The following CEP135 variants were observed in gnomAD, a reference collection of about 807,000 sequenced individuals.
CEP135 encodes the protein centrosomal protein of 135 kDa.
In CEP135, 142 loss-of-function variants were observed where a neutral mutation model predicts 157.3. The observed-to-expected ratio is 0.90, with a 90% CI of 0.79 to 1.04. The LOEUF is 1.04. Among genes scored for constraint, CEP135 ranks in the 50% least tolerant of loss-of-function variants. The pLI is 0.00. For missense variants in CEP135, 1,317 were observed against 1,309.2 expected, an observed-to-expected ratio of 1.01 and a Z score of -0.09; for synonymous variants, 396 against 439.8, an observed-to-expected ratio of 0.90 and a Z score of 1.25.
In CEP135 at chr4:56,005,911, T is replaced by TCTA. The variant is rs548523202; in HGVS notation, c.2281-2413_2281-2411dup. On this transcript the variant is annotated intron_variant, in intron 17 of 25. Coordinates refer to ENST00000257287, the MANE Select transcript of CEP135 (RefSeq NM_025009.5). ...TCTTTTAGTACTTTGAAAATGATAG[T>TCTA]CTACTTCCTCTTGGCCTGTATGGTT... Among the ~76,000 whole-genome samples, 13 of 152,338 alleles carry TCTA rather than the reference T, an allele frequency of 8.5e-5. No homozygotes were observed. The East Asian group carries it at 2.5e-3, about 29-fold the overall frequency.
Position 55,967,666 on chromosome 4 carries a change from A to G in CEP135, c.1045-1397A>G, listed in dbSNP as rs561026686. ...TTATGTAATACTTGGAAAGTGTTCA[A>G]TTTATCCCAGGAGTAAGTATAATCC... On this transcript the variant is annotated intron_variant, in intron 8 of 25. Coordinates refer to ENST00000257287, the MANE Select transcript of CEP135 (RefSeq NM_025009.5). 5.9e-5 allele frequency among the ~76,000 whole-genome samples: 9 copies of G among 152,324 alleles called. No individual in the cohort carries two copies. The South Asian group carries it at 8.3e-4, about 14-fold the overall frequency.
chr4:56,027,588 T>C (rs1235506150), intron 25 of CEP135, among the ~76,000 whole-genome samples: 1 of 151,930 alleles, frequency 6.6e-6, no homozygotes, highest in Admixed American at 6.6e-5. Flanking sequence ...TATTGGGGAT[T>C]CTCAGGGATC....
intron 19 of CEP135, among the ~76,000 whole-genome samples, 180 bp downstream of exon 19, chr4:56,010,083 C>G (rs758723283): frequency 2.0e-5 from 3 of 152,086 alleles, no homozygotes; most frequent in Non-Finnish European, 4.4e-5. Flanking sequence ...GGCGCAGTGG[C>G]TCACACCTGT....
chr4:55,950,819 T>A (rs1030688531), intron 1 of CEP135, among the ~76,000 whole-genome samples: 2 of 152,172 alleles, frequency 1.3e-5, no homozygotes, highest in African/African-American at 4.8e-5. Flanking sequence ...AGTGTACTAT[T>A]TGAAAAGTAA....
In CEP135 at chr4:56,024,609, A is replaced by G. The variant is rs1438312074; in HGVS notation, c.*6A>G. On this transcript the variant is annotated 3_prime_UTR_variant, in exon 25 of 26. Coordinates refer to ENST00000257287, the MANE Select transcript of CEP135 (RefSeq NM_025009.5). ...CTGAACATAGAAATGTGTAATTATC[A>G]GAAAGGTATGTATGTAACACCAAGG... 6.3e-7 allele frequency: 1 copy of G among 1,596,536 alleles called. No homozygotes were observed. The highest frequency in any genetic ancestry group is 1.1e-5 in the South Asian group (1 of 90,708).
At chr4:55,962,482 A>G (rs559664754) in intron 6 of CEP135, among the ~76,000 whole-genome samples, 78 of 152,190 alleles carry the variant, frequency 5.1e-4, no homozygotes, top group African/African-American at 1.8e-3. Flanking sequence ...GTCTTACTTG[A>G]TATCTCCATT....
At chr4:56,017,077 G>T (rs1019951375) in intron 21 of CEP135, among the ~76,000 whole-genome samples, 6 of 151,906 alleles carry the variant, frequency 3.9e-5, no homozygotes, top group African/African-American at 7.3e-5. Context: ...TTCAAATTGT[G>T]AGAAATTTCA....
chr4:55,974,716 A>T (rs1206140518), intron 10 of CEP135, 30 bp from the exon 11 acceptor site: 8 of 1,516,372 alleles, frequency 5.3e-6, no homozygotes, highest in Non-Finnish European at 5.4e-6. Flanking sequence ...ATACAACATT[A>T]TTTTAAGAGT....
In CEP135 at chr4:56,009,781, C is replaced by T; in HGVS notation, c.2383C>T (p.Leu795Phe). The T allele has an allele frequency of 6.2e-7, 1 of 1,613,616 alleles. No individual in the cohort carries two copies. ...LVNRDREINSLRRQLDAAHKE... is the reference protein window; with the variant it reads ...LVNRDREINSFRRQLDAAHKE... ...TAATCGAGATCGTGAGATAAACAGCCTCCGGCGCCAGCTTGATGCAGCTCA... is the reference window on the plus strand; with the variant it reads ...TAATCGAGATCGTGAGATAAACAGCTTCCGGCGCCAGCTTGATGCAGCTCA... Residue 795 changes from leucine (L) to phenylalanine (F), a missense_variant, in exon 19 of 26, where the codon CTC becomes TTC. Leu to Phe is a conservative substitution (Grantham distance 22, BLOSUM62 0). Transcript: ENST00000257287.
In CEP135 at chr4:55,999,401, A is replaced by G. The variant is rs1231709757; in HGVS notation, c.2109A>G (p.Ile703Met). The G allele has an allele frequency of 1.2e-6, 2 of 1,614,102 alleles. No homozygotes were observed. The stretch of plus-strand genomic sequence containing the variant: ...AATCAGCCCAAGCACAAATTAAAAT[A>G]CTGGAGGAAAAGATAGGTAAATGTT... ...ELESAQAQIK[I>M]LEEKIDELNL... is the part of the protein sequence containing the mutation. The change falls in exon 16 of 26, where the codon ATA (isoleucine) becomes ATG (methionine). Residue 703 changes from isoleucine to methionine, a missense_variant. Ile to Met is a conservative substitution (Grantham distance 10). Coordinates refer to ENST00000257287, the MANE Select transcript of CEP135 (RefSeq NM_025009.5).
rs143455612 is a variant in CEP135, at chr4:55,969,741, A to G, written c.1110+613A>G. On this transcript the variant is annotated intron_variant, in intron 9 of 25. Transcript: ENST00000257287. ...AGTAGGTAGCTGCTAGAAATTTTAC[A>G]TTCTTTTAACTACTTTATGATTTGT... Among the ~76,000 whole-genome samples the G allele has an allele frequency of 5.0e-3, 760 of 152,302 alleles. 43 individuals carry two copies. The East Asian group carries it at 0.13, about 26-fold the overall frequency.
intron 14 of CEP135, among the ~76,000 whole-genome samples, chr4:55,991,623 T>A (rs1161592088): frequency 6.6e-6 from 1 of 152,166 alleles, no homozygotes; most frequent in Admixed American, 6.5e-5. Context: ...ATTTACTTAT[T>A]GTGTTTTAGA....
intron 14 of CEP135, among the ~76,000 whole-genome samples, chr4:55,985,616 G>A (rs143724481): frequency 1.1e-3 from 162 of 151,878 alleles, no homozygotes; most frequent in Non-Finnish European, 1.8e-3. Context: ...CACCATGCCC[G>A]GCTAATTTTT....
At chr4:55,957,474 A>C in intron 5 of CEP135, 110 bp downstream of exon 5, 1 of 936,564 alleles carries the variant, frequency 1.1e-6, no homozygotes, top group Non-Finnish European at 1.5e-6. Flanking sequence ...TCCAGTGTCT[A>C]GCACAGAACT....
intron 7 of CEP135, 133 bp from the exon 8 acceptor site, chr4:55,965,511 G>T (rs926422358): frequency 1.6e-6 from 1 of 622,064 alleles, no homozygotes; most frequent in East Asian, 2.9e-5. Context: ...ATATAAATTT[G>T]CAAATATAAA....
chr4:55,999,458 C>T (rs1730086948), intron 16 of CEP135, 33 bp from the exon 17 acceptor site: 1 of 1,612,644 alleles, frequency 6.2e-7, no homozygotes, highest in Non-Finnish European at 8.5e-7. Flanking sequence ...TCCTAATGTA[C>T]TTTGTCTAAC....
intron 15 of CEP135, among the ~76,000 whole-genome samples, chr4:55,993,600 A>G (rs1729867201): frequency 1.3e-5 from 2 of 152,212 alleles, no homozygotes; most frequent in African/African-American, 2.4e-5. Flanking sequence ...ATTCAGCTCT[A>G]AAGTACAGAT....
chr4:56,021,094 C>A (rs1360961738), intron 24 of CEP135, among the ~76,000 whole-genome samples: 1 of 152,002 alleles, frequency 6.6e-6, no homozygotes, highest in Admixed American at 6.6e-5. Context: ...TTCCGCAGGA[C>A]AAAATTAGAA....
At chr4:55,986,566 C>T (rs1180578100) in intron 14 of CEP135, among the ~76,000 whole-genome samples, 1 of 152,048 alleles carries the variant, frequency 6.6e-6, no homozygotes, top group Non-Finnish European at 1.5e-5. Flanking sequence ...AAAAATTATA[C>T]AGAGGTAGAG....
Sources: allele counts gnomAD v4.1 joint callset (sites outside exome capture counted in the v4.1 genomes callset), GRCh38; gene constraint gnomAD v4.1.1; transcripts MANE v1.5; gene names NCBI Gene and HGNC (gene_info 2026-07-23, HGNC 2026-07-21).